The following PNPT1 variants were observed in gnomAD, a reference collection of about 807,000 sequenced individuals.
The protein encoded by PNPT1 is polyribonucleotide nucleotidyltransferase 1, also known as polyribonucleotide nucleotidyltransferase 1, mitochondrial.
A neutral mutation model predicts 119.5 loss-of-function variants in PNPT1; 53 were observed. The ratio of observed to expected loss-of-function variants is 0.44; its 90% confidence interval spans 0.36 to 0.56. PNPT1 has a LOEUF of 0.56. Ranked by LOEUF, PNPT1 falls within the 20% of genes least tolerant of loss-of-function variation. The probability of loss-of-function intolerance (pLI) is 0.00; values close to 1 mark genes in which losing one functional copy is unlikely to be tolerated. For missense variants in PNPT1, 948 were observed against 938.5 expected (o/e 1.01, Z -0.13); for synonymous variants, 357 against 322.1 (o/e 1.11, Z -1.16).
intron 13 of PNPT1, among the ~76,000 whole-genome samples, chr2:55,664,469 T>G (rs2104099980): frequency 6.6e-6 from 1 of 152,214 alleles, no homozygotes; most frequent in Admixed American, 6.5e-5. Context: ...AAATAAAAAG[T>G]TGTGAGAAGT....
At chr2:55,661,887 AC>A in intron 14 of PNPT1, 68 bp downstream of exon 14, 1 of 1,324,228 alleles carries the variant, frequency 7.6e-7, no homozygotes, top group African/African-American at 1.6e-5. Context: ...TTAATAATAT[AC>A]CACATAAGCT....
intron 26 of PNPT1, among the ~76,000 whole-genome samples, chr2:55,640,230 C>T (rs1695794431): frequency 6.6e-6 from 1 of 152,060 alleles, no homozygotes; most frequent in Non-Finnish European, 1.5e-5. Flanking sequence ...CTTGGCTCAC[C>T]GCATCCTCCG....
chr2:55,653,110 A>T (rs1214877954), intron 18 of PNPT1, among the ~76,000 whole-genome samples: 1 of 152,212 alleles, frequency 6.6e-6, no homozygotes, highest in Non-Finnish European at 1.5e-5. Flanking sequence ...AGGCTCCCAA[A>T]GTGCTGCAAT....
At chr2:55,653,327 T>A (rs1696271889) in intron 18 of PNPT1, among the ~76,000 whole-genome samples, 1 of 152,242 alleles carries the variant, frequency 6.6e-6, no homozygotes, top group African/African-American at 2.4e-5. Context: ...ATGACTGCCA[T>A]CATACTTCAG....
chr2:55,644,792 T>G, intron 22 of PNPT1, 72 bp from the exon 23 acceptor site: 1 of 1,094,202 alleles, frequency 9.1e-7, no homozygotes, highest in Middle Eastern at 2.1e-4. Flanking sequence ...CCATGGTCAC[T>G]TGAGATTTTT....
At chr2:55,672,100 G>A in intron 9 of PNPT1, 54 bp from the exon 10 acceptor site, 2 of 1,297,590 alleles carry the variant, frequency 1.5e-6, no homozygotes, top group East Asian at 2.4e-5. Context: ...ACAAGAGGCA[G>A]TTTCTATTAT....
At chr2:55,691,864 ATATATATATATATATT>A (rs1361694283) in intron 1 of PNPT1, among the ~76,000 whole-genome samples, 2 of 37,208 alleles carry the variant, frequency 5.4e-5, no homozygotes, top group East Asian at 1.6e-3. Flanking sequence ...ATATATATAT[ATATATATATATATATT>A]TTTTTTTTTT....
At chr2:55,656,103 C>A in intron 17 of PNPT1, 28 bp downstream of exon 17, 1 of 1,596,014 alleles carries the variant, frequency 6.3e-7, no homozygotes, top group Non-Finnish European at 8.5e-7. Context: ...GTCTTTTCTA[C>A]TATGAAAGAA....
chr2:55,655,818 G>A (rs1358139660), intron 17 of PNPT1, among the ~76,000 whole-genome samples: 1 of 152,168 alleles, frequency 6.6e-6, no homozygotes, highest in African/African-American at 2.4e-5. Context: ...CCTGCCTAAT[G>A]ATCACTCTAT....
At position 55,636,166 on chromosome 2, in the gene PNPT1, A is replaced by C; in HGVS notation, c.*71T>G. ...AGAAATCTACACAATGGAAGATACTACTAAAATGTTGCTCTACAGCACATC... is the reference window on the plus strand; with the variant it reads ...AGAAATCTACACAATGGAAGATACTCCTAAAATGTTGCTCTACAGCACATC... On this transcript the variant is annotated 3_prime_UTR_variant, in exon 28 of 28. Coordinates refer to ENST00000447944, the MANE Select transcript of PNPT1 (RefSeq NM_033109.5). 9.0e-7 allele frequency: 1 copy of C among 1,108,730 alleles called. No homozygotes were observed. Among genetic ancestry groups the C allele is most frequent in the Non-Finnish European group, 1.3e-6 (1 of 785,118 alleles). The allele number at this position is 1,108,730 out of a possible 1,614,324, so 68.7% of individuals were successfully genotyped here.
chr2:55,692,927 T>C (rs1187268206), intron 1 of PNPT1, among the ~76,000 whole-genome samples: 1 of 152,040 alleles, frequency 6.6e-6, no homozygotes, highest in Non-Finnish European at 1.5e-5. Context: ...ATCTTTGCTT[T>C]TGTTTCTCTC....
At chr2:55,679,653 G>T in intron 8 of PNPT1, 29 bp downstream of exon 8, 1 of 1,446,620 alleles carries the variant, frequency 6.9e-7, no homozygotes, top group Non-Finnish European at 9.7e-7. Context: ...GTAAAATCCA[G>T]AACAAATGTG....
chr2:55,651,510 C>G (rs13007577), intron 18 of PNPT1, among the ~76,000 whole-genome samples: 46,627 of 151,848 alleles, frequency 0.31, 7,272 homozygotes, highest in South Asian at 0.39. Flanking sequence ...TGTGCTGTGT[C>G]CACTCAGGGT....
At chr2:55,658,565 T>A (rs566838517) in intron 15 of PNPT1, among the ~76,000 whole-genome samples, 1 of 152,152 alleles carries the variant, frequency 6.6e-6, no homozygotes, top group Non-Finnish European at 1.5e-5. Flanking sequence ...AAATAAAATA[T>A]GGCAATAATG....
intron 1 of PNPT1, among the ~76,000 whole-genome samples, chr2:55,690,887 C>T (rs1697576950): frequency 6.6e-6 from 1 of 152,180 alleles, no homozygotes; most frequent in African/African-American, 2.4e-5. Flanking sequence ...AAACCAGTCA[C>T]ACTGTGTAGT....
chr2:55,683,549 G>A (rs1300120096), intron 5 of PNPT1, among the ~76,000 whole-genome samples: 1 of 148,968 alleles, frequency 6.7e-6, no homozygotes, highest in Non-Finnish European at 1.5e-5. Context: ...GGAGATTGAG[G>A]TTGCAGTGAG....
chr2:55,640,369 G>T (rs1354874439), intron 26 of PNPT1, among the ~76,000 whole-genome samples: 1 of 152,102 alleles, frequency 6.6e-6, no homozygotes, highest in African/African-American at 2.4e-5. Flanking sequence ...GGTCAGGATG[G>T]TCTCCATTTC....
chr2:55,679,618 C>T (rs1284602039), intron 8 of PNPT1, 64 bp downstream of exon 8: 1 of 1,188,964 alleles, frequency 8.4e-7, no homozygotes, highest in Non-Finnish European at 1.2e-6. Context: ...AGTTTAAATT[C>T]AGTTTAAGAA....
intron 26 of PNPT1, among the ~76,000 whole-genome samples, chr2:55,638,931 T>A (rs1179146324): frequency 6.6e-6 from 1 of 152,044 alleles, no homozygotes; most frequent in Non-Finnish European, 1.5e-5. Context: ...CACGCCATCA[T>A]GCCCAGCTAA....
Sources: allele counts gnomAD v4.1 joint callset (sites outside exome capture counted in the v4.1 genomes callset), GRCh38; gene constraint gnomAD v4.1.1; transcripts MANE v1.5; gene names NCBI Gene and HGNC (gene_info 2026-07-23, HGNC 2026-07-21).